Variants in AVEN observed in about 807,000 individuals in gnomAD.
The protein encoded by AVEN is cell death regulator Aven.
A neutral mutation model predicts 38.1 loss-of-function variants in AVEN; 41 were observed. The ratio of observed to expected loss-of-function variants is 1.08; its 90% confidence interval spans 0.84 to 1.40. The LOEUF (loss-of-function observed/expected upper bound fraction) is 1.40. Ranked by LOEUF, AVEN falls within the 40% of genes most tolerant of loss-of-function variation. AVEN has a pLI of 0.00. For synonymous variants in AVEN, 206 were observed against 171.8 expected, an observed-to-expected ratio of 1.20 and a Z score of -1.56; for missense variants, 605 against 438.8, an observed-to-expected ratio of 1.38 and a Z score of -3.38.
At chr15:33,872,486 C>T (rs1048553402) in intron 3 of AVEN, among the ~76,000 whole-genome samples, 4 of 152,134 alleles carry the variant, frequency 2.6e-5, no homozygotes, top group African/African-American at 4.8e-5. Flanking sequence ...GAGTAATAAG[C>T]TGGGCAGCTT....
chr15:33,895,673 G>T (rs932278296), intron 2 of AVEN, among the ~76,000 whole-genome samples: 2 of 151,924 alleles, frequency 1.3e-5, no homozygotes, highest in Non-Finnish European at 2.9e-5. Context: ...ATTCTAACTG[G>T]TTTACCTACC....
At chr15:34,050,086 C>T (rs1180458249) in intron 5 of AVEN, among the ~76,000 whole-genome samples, 2 of 151,848 alleles carry the variant, frequency 1.3e-5, no homozygotes, top group Non-Finnish European at 2.9e-5. Context: ...TGGGGTTTCA[C>T]CTTGTTGGTC....
chr15:33,887,239 A>G (rs16958222), intron 2 of AVEN, among the ~76,000 whole-genome samples: 11,042 of 152,142 alleles, frequency 0.073, 557 homozygotes, highest in South Asian at 0.15. Context: ...TATGGGACCA[A>G]ACTACTTGAG....
At chr15:33,951,026 G>A (rs1894720272) in intron 2 of AVEN, among the ~76,000 whole-genome samples, 1 of 150,960 alleles carries the variant, frequency 6.6e-6, no homozygotes, top group South Asian at 2.1e-4. Flanking sequence ...AGAAAGAGAA[G>A]GAAGGAAAGG....
At position 33,867,655 on chromosome 15, in the gene AVEN, G is replaced by A; in HGVS notation, c.813C>T (p.Pro271=). 1 of 1,614,190 alleles carries A rather than the reference G, an allele frequency of 6.2e-7. No homozygotes were observed. Among genetic ancestry groups the A allele is most frequent in the Non-Finnish European group, 8.5e-7 (1 of 1,180,036 alleles). Residue 271 remains proline, a synonymous_variant, in exon 5 of 6, where the codon CCC becomes CCT. Coordinates refer to ENST00000306730, the MANE Select transcript of AVEN (RefSeq NM_020371.3). The part of the protein sequence containing the change: ...SPGPSRDSQK[P]TSPLQSAGDH... The stretch of plus-strand genomic sequence containing the variant: ...CTCCTGCTGACTGCAGTGGGGAAGT[G>A]GGTTTCTGAGAATCCCTTGAAGGAC...
At chr15:34,062,648 G>A in intron 5 of AVEN, 1 of 1,450,782 alleles carries the variant, frequency 6.9e-7, no homozygotes, top group East Asian at 2.3e-5. Context: ...TCCAGATGCT[G>A]GCCAAGAAGA....
rs1458868807 is a variant in AVEN, at chr15:33,866,628, G to A, written c.1074C>T (p.Asp358=). The A allele has an allele frequency of 1.9e-6, 3 of 1,613,662 alleles. No individual in the cohort carries two copies. The highest frequency in any genetic ancestry group is 1.7e-5 in the Admixed American group (1 of 59,990). The change falls in exon 6 of 6, where the codon GAC becomes GAT. Residue 358 remains aspartate, a synonymous_variant. Transcript: ENST00000306730. The part of the protein sequence containing the change: ...VTEEELEDWL[D]SMIS ...TTTCCCCTTTTTAGGAAATCATGCT[G>A]TCCAACCAGTCTTCCAGCTCTTCCT...
intron 2 of AVEN, among the ~76,000 whole-genome samples, chr15:33,943,865 A>C (rs908637130): frequency 3.3e-5 from 5 of 151,054 alleles, no homozygotes; most frequent in Non-Finnish European, 5.9e-5. Flanking sequence ...TACCATGGTA[A>C]ATTATATGTT....
intron 2 of AVEN, among the ~76,000 whole-genome samples, chr15:33,891,915 C>T (rs911719213): frequency 5.3e-5 from 8 of 152,248 alleles, no homozygotes; most frequent in African/African-American, 1.9e-4. Flanking sequence ...TCTTAATGAT[C>T]GCCATTCTAA....
intron 2 of AVEN, among the ~76,000 whole-genome samples, chr15:33,982,215 G>A (rs1446231686): frequency 4.6e-5 from 7 of 151,972 alleles, no homozygotes; most frequent in African/African-American, 1.7e-4. Context: ...CATCTCTGCA[G>A]ATGTAGAGCT....
At chr15:33,910,089 C>T (rs956872760) in intron 2 of AVEN, among the ~76,000 whole-genome samples, 4 of 150,582 alleles carry the variant, frequency 2.7e-5, no homozygotes, top group African/African-American at 9.8e-5. Context: ...GATCGCACCG[C>T]TGCACTCCAG....
At chr15:33,922,669 T>C (rs951642754) in intron 2 of AVEN, among the ~76,000 whole-genome samples, 2 of 152,086 alleles carry the variant, frequency 1.3e-5, no homozygotes, top group Admixed American at 1.3e-4. Flanking sequence ...TGGCTTCAGA[T>C]CCTCCCACCT....
chr15:33,900,419 C>T (rs1482314941), intron 2 of AVEN, among the ~76,000 whole-genome samples: 1 of 151,832 alleles, frequency 6.6e-6, no homozygotes, highest in East Asian at 1.9e-4. Flanking sequence ...GCGGTCCTTC[C>T]ACCTCAGCCT....
chr15:33,966,907 T>A (rs903418127), intron 2 of AVEN, among the ~76,000 whole-genome samples: 3 of 152,144 alleles, frequency 2.0e-5, no homozygotes, highest in Admixed American at 6.6e-5. Flanking sequence ...TCGATCCTCA[T>A]AAACACAATG....
chr15:33,932,233 C>A (rs1451114792), intron 2 of AVEN, among the ~76,000 whole-genome samples: 1 of 152,090 alleles, frequency 6.6e-6, no homozygotes. Flanking sequence ...ATAACATATA[C>A]CCAATTTGGC....
chr15:33,861,065 TTA>T, intron 11 of AVEN: 9 of 1,562,476 alleles, frequency 5.8e-6, no homozygotes, highest in Non-Finnish European at 7.8e-6. Flanking sequence ...TTTCTGCCTG[TTA>T]TTTTTCTTAG....
rs1056645295 is a variant in AVEN at position 33,971,742 on chromosome 15, G to A, written c.445+31290C>T. Among the ~76,000 whole-genome samples the A allele has an allele frequency of 4.0e-5, 6 of 151,862 alleles. No homozygotes were observed. In the South Asian group the frequency reaches 8.3e-4, roughly 21 times the overall value. On this transcript the variant is annotated intron_variant, in intron 2 of 5. Transcript: ENST00000306730. ...TTTTTCATTCCATTATAATGGCACC[G>A]TGTTTCAAGCTTAATTCAACTGGGC...
At chr15:33,873,052 C>T (rs1567388325) in intron 3 of AVEN, among the ~76,000 whole-genome samples, 1 of 151,546 alleles carries the variant, frequency 6.6e-6, no homozygotes, top group African/African-American at 2.4e-5. Flanking sequence ...ACTCCCACTC[C>T]CTTTAACTGC....
chr15:33,983,480 CA>C (rs1896280134), intron 2 of AVEN, among the ~76,000 whole-genome samples: 1 of 151,860 alleles, frequency 6.6e-6, no homozygotes, highest in African/African-American at 2.4e-5. Flanking sequence ...TGCAGTAAAG[CA>C]TAAATAAAAA....
Sources: gnomAD v4.1 joint callset for allele counts (sites outside exome capture counted in the v4.1 genomes callset) on GRCh38, gnomAD v4.1.1 for gene constraint, MANE v1.5 for transcripts, NCBI Gene and HGNC (gene_info 2026-07-23, HGNC 2026-07-21) for gene names.